Variants in DNAI4 observed in about 807,000 individuals in gnomAD.
DNAI4 encodes dynein axonemal intermediate chain 4.
A neutral mutation model predicts 105.8 loss-of-function variants in DNAI4; 85 were observed. That is an observed-to-expected ratio of 0.80 (90% CI 0.67 to 0.96). The LOEUF (loss-of-function observed/expected upper bound fraction) is 0.96, where lower values mean the gene tolerates loss of function less well. Ranked by LOEUF, DNAI4 falls within the 40% of genes least tolerant of loss-of-function variation. The pLI, the probability that DNAI4 is intolerant of heterozygous loss-of-function variation, is 0.00. For missense variants in DNAI4, 1,014 were observed against 1,005.6 expected (o/e 1.01, Z -0.11); for synonymous variants, 352 against 331.5 (o/e 1.06, Z -0.67).
At position 66,920,874 on chromosome 1, in the gene DNAI4, A is replaced by T. The variant is rs1320811723; in HGVS notation, c.170+3788T>A. ...ACTGATGCCTTACACATTTACAACT[A>T]AACAGTAAACACAGCCTAATTCCTA... On this transcript the variant is annotated intron_variant, in intron 1 of 16. Coordinates refer to ENST00000371026, the MANE Select transcript of DNAI4 (RefSeq NM_024763.5). 3.9e-5 allele frequency among the ~76,000 whole-genome samples: 6 copies of T among 152,368 alleles called. No homozygotes were observed. The East Asian group carries it at 5.8e-4, about 15-fold the overall frequency.
intron 1 of DNAI4, among the ~76,000 whole-genome samples, chr1:66,910,635 TC>T (rs1179846264): frequency 1.3e-5 from 2 of 152,242 alleles, no homozygotes; most frequent in African/African-American, 4.8e-5. Flanking sequence ...TTCCGTGGCT[TC>T]CCTTTCTAAA....
At chr1:66,874,983 T>A in intron 4 of DNAI4, 46 bp from the exon 5 acceptor site, 1 of 1,527,488 alleles carries the variant, frequency 6.5e-7, no homozygotes, top group South Asian at 1.3e-5. Context: ...TTGCTATTTT[T>A]AATTTGCATT....
At chr1:66,897,806 C>T (rs1648456565) in intron 2 of DNAI4, among the ~76,000 whole-genome samples, 1 of 152,216 alleles carries the variant, frequency 6.6e-6, no homozygotes, top group Non-Finnish European at 1.5e-5. Context: ...TAAGATCCAT[C>T]TTAATTCCAA....
chr1:66,835,809 T>C, intron 10 of DNAI4, 32 bp from the exon 11 acceptor site: 1 of 1,603,184 alleles, frequency 6.2e-7, no homozygotes, highest in Non-Finnish European at 8.5e-7. Context: ...TTTCAATTTG[T>C]TTTTGTAGAC....
intron 9 of DNAI4, among the ~76,000 whole-genome samples, chr1:66,838,930 G>A (rs963386394): frequency 1.3e-5 from 2 of 152,062 alleles, no homozygotes; most frequent in African/African-American, 2.4e-5. Context: ...TATCTCTAGC[G>A]CCTTAACAGT....
chr1:66,921,126 G>A (rs1204503920), intron 1 of DNAI4: 3 of 152,076 alleles, frequency 2.0e-5, no homozygotes, highest in African/African-American at 4.8e-5. Context: ...GGTTCTAATG[G>A]AAAAAATGGA....
In DNAI4 at chr1:66,814,005, A is replaced by C. The variant is rs1302762698; in HGVS notation, c.*125T>G. 8.7e-6 allele frequency: 5 copies of C among 572,948 alleles called. No homozygotes were observed. In the East Asian group the frequency reaches 1.6e-4, roughly 18 times the overall value. 35.5% of individuals were successfully genotyped at this position (572,948 alleles called of 1,614,324 possible). ...ATAAAAGTTTATTAAATTTAAATTA[A>C]GTGGAAGTTATACATCAAATATTGT... On this transcript the variant is annotated 3_prime_UTR_variant, in exon 17 of 17. Coordinates refer to ENST00000371026, the MANE Select transcript of DNAI4 (RefSeq NM_024763.5).
intron 7 of DNAI4, 42 bp downstream of exon 7, chr1:66,862,105 T>G: frequency 1.3e-6 from 2 of 1,530,548 alleles, no homozygotes; most frequent in Non-Finnish European, 1.8e-6. Context: ...AAAAATGCCA[T>G]GTTAAAGTCA....
chr1:66,876,121 G>C, intron 4 of DNAI4, among the ~76,000 whole-genome samples: 2 of 151,784 alleles, frequency 1.3e-5, no homozygotes, highest in Admixed American at 1.3e-4. Context: ...TTAAAAATAA[G>C]TAAAAGATTT....
intron 14 of DNAI4, 93 bp downstream of exon 14, chr1:66,827,719 T>A: frequency 1.6e-6 from 1 of 621,434 alleles, no homozygotes; most frequent in Non-Finnish European, 2.6e-6. Flanking sequence ...TCTGAAGTTG[T>A]AAATTTATTG....
chr1:66,872,313 C>T (rs1194151945), intron 5 of DNAI4, among the ~76,000 whole-genome samples: 1 of 152,098 alleles, frequency 6.6e-6, no homozygotes, highest in African/African-American at 2.4e-5. Flanking sequence ...ACTGCAACCT[C>T]CGCCTCTCAG....
intron 7 of DNAI4, among the ~76,000 whole-genome samples, chr1:66,861,255 T>C (rs889527674): frequency 2.0e-5 from 3 of 152,178 alleles, no homozygotes; most frequent in Admixed American, 2.0e-4. Context: ...TCAAAATTAG[T>C]GAAAGTAGGA....
chr1:66,833,437 C>T, intron 13 of DNAI4, 148 bp downstream of exon 13: 1 of 913,458 alleles, frequency 1.1e-6, no homozygotes, highest in Non-Finnish European at 1.6e-6. Flanking sequence ...TCCCCTAGCC[C>T]AGGCAATCAT....
chr1:66,836,254 GAGAAAGAAAGAAAGAAAGAAAGAAAGAA>G lies in DNAI4; in HGVS notation c.1582-505_1582-478del, dbSNP rs68091805. 2.6e-3 allele frequency among the ~76,000 whole-genome samples: 253 copies of G among 99,056 alleles called. 1 individual carries two copies. Among genetic ancestry groups the G allele is most frequent in the East Asian group, 5.4e-3 (19 of 3,524 alleles). 65.0% of individuals were successfully genotyped at this position (99,056 alleles called of 152,430 possible). ...AGAGAGAAAGAAAGAAAGAGAGAGA[GAGAAAGAAAGAAAGAAAGAAAGAAAGAA>G]AGAAAGAAAGAAAGAAAGAAAGAAA... On this transcript the variant is annotated intron_variant, in intron 10 of 16. Coordinates refer to ENST00000371026, the MANE Select transcript of DNAI4 (RefSeq NM_024763.5).
intron 13 of DNAI4, 41 bp downstream of exon 13, chr1:66,833,544 A>T (rs370597095): frequency 5.2e-5 from 83 of 1,600,318 alleles, no homozygotes; most frequent in Non-Finnish European, 6.6e-5. Flanking sequence ...AATTTTTGGA[A>T]ATTGTTATGT....
rs190140943 is a variant in DNAI4, at chr1:66,866,986, G to A, written c.940+4384C>T. On this transcript the variant is annotated intron_variant, in intron 6 of 16. Coordinates refer to ENST00000371026, the MANE Select transcript of DNAI4 (RefSeq NM_024763.5). ...GAAAAGCGAGTGACGAGCGAAGGGG[G>A]AAGCCCCTTATAAAACCATCAGATC... Among the ~76,000 whole-genome samples, 19 of 152,264 alleles carry A rather than the reference G, an allele frequency of 1.2e-4. No individual in the cohort carries two copies. In the East Asian group the frequency reaches 2.9e-3, roughly 23 times the overall value.
chr1:66,895,340 C>T (rs1302601993), intron 2 of DNAI4, among the ~76,000 whole-genome samples: 3 of 152,126 alleles, frequency 2.0e-5, no homozygotes, highest in Non-Finnish European at 4.4e-5. Flanking sequence ...AATTAGCACA[C>T]ACCTGTAGCC....
chr1:66,892,645 C>A (rs1647756180), intron 3 of DNAI4, among the ~76,000 whole-genome samples: 1 of 152,098 alleles, frequency 6.6e-6, no homozygotes. Flanking sequence ...GTGGCTCATG[C>A]CTGTAATCCC....
chr1:66,848,258 G>A, intron 7 of DNAI4: 1 of 456,134 alleles, frequency 2.2e-6, no homozygotes, highest in African/African-American at 2.0e-5. Context: ...CAGCAACATT[G>A]ATTGCATTCC....
Sources: gnomAD v4.1 joint callset for allele counts (sites outside exome capture counted in the v4.1 genomes callset) on GRCh38, gnomAD v4.1.1 for gene constraint, MANE v1.5 for transcripts, NCBI Gene and HGNC (gene_info 2026-07-23, HGNC 2026-07-21) for gene names.